Variants in KCNH7 observed in about 807,000 individuals in gnomAD.
The protein encoded by KCNH7 is voltage-gated inwardly rectifying potassium channel KCNH7.
KCNH7 carries 49 observed loss-of-function variants against 120.8 expected under a neutral mutation model. The ratio of observed to expected loss-of-function variants is 0.41; its 90% CI spans 0.32 to 0.51. The LOEUF is 0.51. Among genes scored for constraint, KCNH7 ranks in the 20% least tolerant of loss-of-function variants. KCNH7 has a pLI of 0.38. For synonymous variants in KCNH7, 547 were observed against 516.1 expected (o/e 1.06, Z -0.81); for missense variants, 1,097 against 1,446.6 (o/e 0.76, Z 3.92).
At chr2:162,580,918 G>C (rs899445389) in intron 2 of KCNH7, among the ~76,000 whole-genome samples, 1 of 152,064 alleles carries the variant, frequency 6.6e-6, no homozygotes, top group Non-Finnish European at 1.5e-5. Context: ...GGGTGATATA[G>C]AGAAAGGAGT....
At chr2:162,472,951 C>T (rs565766280) in intron 6 of KCNH7, among the ~76,000 whole-genome samples, 17 of 152,254 alleles carry the variant, frequency 1.1e-4, no homozygotes, top group Admixed American at 3.9e-4. Context: ...AACCATCATT[C>T]TCAGCAAAGT....
chr2:162,773,308 T>C (rs917182702), intron 2 of KCNH7, among the ~76,000 whole-genome samples: 1 of 152,008 alleles, frequency 6.6e-6, no homozygotes, highest in Admixed American at 6.6e-5. Flanking sequence ...GCCAATATGG[T>C]GAAACCCTGT....
Position 162,807,964 on chromosome 2 carries a change from G to A in KCNH7, c.307+28573C>T, listed in dbSNP as rs1192934082. ...CCCAAAGTGCTGGGATTACAGGCGT[G>A]AGCCACCGCTCCCAGCCATCTTTTC... On this transcript the variant is annotated intron_variant, in intron 2 of 15. Transcript: ENST00000332142. Among the ~76,000 whole-genome samples, 13 of 152,172 alleles carry A rather than the reference G, an allele frequency of 8.5e-5. 1 individual carries two copies. Among genetic ancestry groups the A allele is most frequent in the Admixed American group, 8.5e-4 (13 of 15,282 alleles).
intron 6 of KCNH7, among the ~76,000 whole-genome samples, chr2:162,446,734 C>T (rs1051174996): frequency 9.9e-5 from 15 of 151,814 alleles, no homozygotes; most frequent in East Asian, 5.8e-4. Flanking sequence ...TCCTTTGGAA[C>T]GTAGTACATC....
intron 14 of KCNH7, among the ~76,000 whole-genome samples, 178 bp from the exon 15 acceptor site, chr2:162,373,840 AATT>A (rs1305824378): frequency 6.6e-6 from 1 of 152,206 alleles, no homozygotes; most frequent in African/African-American, 2.4e-5. Context: ...ATGTCTCACT[AATT>A]ATTCTGATAA....
intron 6 of KCNH7, among the ~76,000 whole-genome samples, chr2:162,453,838 G>A (rs1004523277): frequency 6.6e-6 from 1 of 151,992 alleles, no homozygotes; most frequent in African/African-American, 2.4e-5. Flanking sequence ...TAAGTTCCTT[G>A]TAGATTCTAG....
intron 13 of KCNH7, among the ~76,000 whole-genome samples, chr2:162,381,560 G>A (rs1306903409): frequency 6.6e-6 from 1 of 152,084 alleles, no homozygotes; most frequent in African/African-American, 2.4e-5. Context: ...GCCTCAGTAG[G>A]GTGAGGCTTG....
intron 2 of KCNH7, among the ~76,000 whole-genome samples, chr2:162,746,080 C>G (rs975713764): frequency 6.6e-6 from 1 of 151,886 alleles, no homozygotes; most frequent in African/African-American, 2.4e-5. Context: ...CTGTTGTAGT[C>G]CCTATATTTG....
At chr2:162,588,026 GA>G (rs1694076950) in intron 2 of KCNH7, among the ~76,000 whole-genome samples, 1 of 152,028 alleles carries the variant, frequency 6.6e-6, no homozygotes, top group African/African-American at 2.4e-5. Flanking sequence ...TATTGAATAG[GA>G]ATACTAGTGG....
chr2:162,673,197 C>G (rs888792703), intron 2 of KCNH7, among the ~76,000 whole-genome samples: 1 of 151,754 alleles, frequency 6.6e-6, no homozygotes, highest in Non-Finnish European at 1.5e-5. Context: ...TACAATTGTA[C>G]TGATGCCAAA....
intron 3 of KCNH7, among the ~76,000 whole-genome samples, chr2:162,531,452 C>T (rs1343205470): frequency 2.6e-5 from 4 of 151,896 alleles, no homozygotes; most frequent in African/African-American, 7.2e-5. Context: ...AGTGAAGAAA[C>T]TAAACTAGGT....
intron 2 of KCNH7, among the ~76,000 whole-genome samples, chr2:162,654,977 G>A (rs1218705091): frequency 6.6e-6 from 1 of 152,144 alleles, no homozygotes; most frequent in Non-Finnish European, 1.5e-5. Context: ...AGGAACAGGG[G>A]AAGGGGAGGA....
chr2:162,623,050 G>A (rs1239902128), intron 2 of KCNH7, among the ~76,000 whole-genome samples: 2 of 152,058 alleles, frequency 1.3e-5, no homozygotes, highest in African/African-American at 2.4e-5. Flanking sequence ...GGTTGAGATG[G>A]GTAGAATTTA....
At chr2:162,723,546 T>G (rs1687407327) in intron 2 of KCNH7, among the ~76,000 whole-genome samples, 1 of 152,202 alleles carries the variant, frequency 6.6e-6, no homozygotes, top group Non-Finnish European at 1.5e-5. Flanking sequence ...TTTTGCTCAG[T>G]TTAACTTTAG....
At chr2:162,739,034 G>A (rs971196145) in intron 2 of KCNH7, among the ~76,000 whole-genome samples, 1 of 152,104 alleles carries the variant, frequency 6.6e-6, no homozygotes, top group Admixed American at 6.5e-5. Flanking sequence ...ACCTGTGCGG[G>A]AGCTCAACTT....
chr2:162,806,514 G>T (rs1282356745), intron 2 of KCNH7, among the ~76,000 whole-genome samples: 1 of 152,144 alleles, frequency 6.6e-6, no homozygotes, highest in Non-Finnish European at 1.5e-5. Context: ...GTAGAGAGCA[G>T]GCAGTTACCA....
chr2:162,616,959 TTC>T (rs147302924), intron 2 of KCNH7, among the ~76,000 whole-genome samples: 7 of 151,230 alleles, frequency 4.6e-5, no homozygotes, highest in African/African-American at 7.3e-5. Flanking sequence ...TGCATAATCG[TTC>T]TCTCTCTCTC....
chr2:162,553,002 T>C (rs975232876), intron 2 of KCNH7, among the ~76,000 whole-genome samples: 1 of 152,176 alleles, frequency 6.6e-6, no homozygotes, highest in Non-Finnish European at 1.5e-5. Context: ...TGGCGTTGTT[T>C]AAAGCTGCTA....
chr2:162,496,313 A>G (rs1207279604), intron 6 of KCNH7, among the ~76,000 whole-genome samples: 2 of 152,134 alleles, frequency 1.3e-5, no homozygotes, highest in African/African-American at 4.8e-5. Flanking sequence ...CAGCCCCACA[A>G]GTGCTGACAC....
Sources: allele counts gnomAD v4.1 joint callset (sites outside exome capture counted in the v4.1 genomes callset), GRCh38; gene constraint gnomAD v4.1.1; transcripts MANE v1.5; gene names NCBI Gene and HGNC (gene_info 2026-07-23, HGNC 2026-07-21).